Variants in SOS1 observed in about 807,000 individuals in gnomAD.
SOS1 encodes the protein son of sevenless homolog 1.
In SOS1, 25 loss-of-function variants were observed where a neutral mutation model predicts 157.6. The ratio of observed to expected loss-of-function variants is 0.16; its 90% confidence interval spans 0.12 to 0.22. SOS1 has a LOEUF of 0.22. Ranked by LOEUF, SOS1 falls within the 10% of genes least tolerant of loss-of-function variation. The pLI, the probability that SOS1 is intolerant of heterozygous loss-of-function variation, is 1.00. For missense variants in SOS1, 1,237 were observed against 1,599.1 expected, an observed-to-expected ratio of 0.77 and a Z score of 3.86; for synonymous variants, 528 against 534.0, an observed-to-expected ratio of 0.99 and a Z score of 0.16.
At chr2:39,106,614 C>A (rs868207071) in intron 1 of SOS1, among the ~76,000 whole-genome samples, 6,572 of 107,152 alleles carry the variant, frequency 0.061, 1,056 homozygotes, top group African/African-American at 0.24. Flanking sequence ...AAAAAAAAAA[C>A]AAAACATCTG....
At chr2:39,054,498 CA>C in intron 5 of SOS1, 115 bp downstream of exon 5, 1 of 667,268 alleles carries the variant, frequency 1.5e-6, no homozygotes, top group Non-Finnish European at 2.6e-6. Flanking sequence ...AATTAAGTCC[CA>C]CAACTTAAAA....
chr2:39,027,836 T>A (rs181447544), intron 8 of SOS1, among the ~76,000 whole-genome samples: 165 of 151,870 alleles, frequency 1.1e-3, no homozygotes, highest in African/African-American at 2.8e-3. Flanking sequence ...TATTATTTTT[T>A]TTTTTTTTTT....
chr2:39,059,692 A>T (rs897717772), intron 2 of SOS1, among the ~76,000 whole-genome samples: 2 of 152,164 alleles, frequency 1.3e-5, no homozygotes, highest in Non-Finnish European at 1.5e-5. Context: ...AGTAAAATGG[A>T]AAATTAAAAA....
chr2:39,094,345 A>G (rs1285922255), intron 1 of SOS1, among the ~76,000 whole-genome samples: 1 of 152,096 alleles, frequency 6.6e-6, no homozygotes, highest in East Asian at 1.9e-4. Flanking sequence ...AGCCTCGATA[A>G]TTTTTTAAGA....
chr2:38,992,630 T>G (rs1467963105), intron 20 of SOS1: 1 of 152,212 alleles, frequency 6.6e-6, no homozygotes, highest in Non-Finnish European at 1.5e-5. Context: ...TCCACCACTT[T>G]CATTTTTAGC....
At chr2:39,081,695 G>T (rs1572878537) in intron 1 of SOS1, among the ~76,000 whole-genome samples, 1 of 150,174 alleles carries the variant, frequency 6.7e-6, no homozygotes, top group East Asian at 2.0e-4. Context: ...CTTGGCGGCG[G>T]GCGCCTGTAA....
chr2:39,112,298 T>C (rs544102301), intron 1 of SOS1, among the ~76,000 whole-genome samples: 2 of 152,316 alleles, frequency 1.3e-5, no homozygotes, highest in African/African-American at 2.4e-5. Context: ...TCTGAGTTTA[T>C]GGTCTCCACA....
chr2:39,033,358 C>G (rs1289290693), intron 8 of SOS1, among the ~76,000 whole-genome samples: 1 of 151,972 alleles, frequency 6.6e-6, no homozygotes, highest in Non-Finnish European at 1.5e-5. Context: ...CAGTAGAAAT[C>G]TTAAATTGCT....
At position 38,983,235 on chromosome 2, in the gene SOS1, C is replaced by G. The variant is rs566007786; in HGVS notation, c.*2589G>C. On this transcript the variant is annotated 3_prime_UTR_variant, in exon 23 of 23. Coordinates refer to ENST00000402219, the MANE Select transcript of SOS1 (RefSeq NM_005633.4). ...TTTATCTCCTCAGCCATTTCTGGTC[C>G]CTGATTAAATAGATTTTCATTACTA... is the stretch of plus-strand genomic sequence containing the variant. 1 of 152,052 alleles carries G rather than the reference C, an allele frequency of 6.6e-6. No individual in the cohort carries two copies. 9.4% of individuals were successfully genotyped at this position (152,052 alleles called of 1,614,324 possible).
chr2:39,082,971 G>A (rs1325363631), intron 1 of SOS1, among the ~76,000 whole-genome samples: 1 of 152,130 alleles, frequency 6.6e-6, no homozygotes, highest in Non-Finnish European at 1.5e-5. Context: ...GTAAGGCTTT[G>A]GGGAGCTGGC....
chr2:39,036,627 G>C (rs751599630), intron 6 of SOS1, among the ~76,000 whole-genome samples: 1 of 151,400 alleles, frequency 6.6e-6, no homozygotes, highest in Non-Finnish European at 1.5e-5. Context: ...AGGCTGGAGT[G>C]CAGTGGCGCG....
intron 11 of SOS1, 61 bp from the exon 12 acceptor site, chr2:39,014,050 A>G (rs1257470443): frequency 1.5e-6 from 2 of 1,330,918 alleles, no homozygotes; most frequent in Non-Finnish European, 2.1e-6. Context: ...ACAAATAGAA[A>G]ACCACAAACG....
intron 4 of SOS1, among the ~76,000 whole-genome samples, chr2:39,055,477 G>A (rs887828030): frequency 6.6e-6 from 1 of 151,964 alleles, no homozygotes; most frequent in Non-Finnish European, 1.5e-5. Context: ...CATGTAGTAG[G>A]TACTCAAAAA....
intron 21 of SOS1, among the ~76,000 whole-genome samples, chr2:38,988,189 A>G (rs1668609811): frequency 6.6e-6 from 1 of 152,160 alleles, no homozygotes; most frequent in East Asian, 1.9e-4. Context: ...ATTATACTCT[A>G]AATCCAAAAA....
intron 6 of SOS1, among the ~76,000 whole-genome samples, chr2:39,049,276 C>T (rs1670915331): frequency 6.6e-6 from 1 of 152,216 alleles, no homozygotes; most frequent in African/African-American, 2.4e-5. Context: ...GTGTCACATT[C>T]TCAGTGAAGT....
At chr2:39,023,957 T>G (rs1669879007) in intron 9 of SOS1, 53 bp downstream of exon 9, 2 of 1,359,732 alleles carry the variant, frequency 1.5e-6, no homozygotes, top group African/African-American at 2.9e-5. Flanking sequence ...TCCCTGAATT[T>G]ACACCACAAT....
At chr2:39,105,588 C>T (rs1363422367) in intron 1 of SOS1, among the ~76,000 whole-genome samples, 1 of 152,134 alleles carries the variant, frequency 6.6e-6, no homozygotes, top group Admixed American at 6.5e-5. Flanking sequence ...TAGTGCTCAA[C>T]TAATTTGGTA....
At chr2:39,010,332 A>T (rs1285046792) in intron 15 of SOS1, among the ~76,000 whole-genome samples, 2 of 150,524 alleles carry the variant, frequency 1.3e-5, no homozygotes, top group East Asian at 3.9e-4. Flanking sequence ...AAAAAAAAAG[A>T]AAAAGAAAGA....
chr2:39,069,079 C>T (rs1447965212), intron 1 of SOS1, among the ~76,000 whole-genome samples: 1 of 150,602 alleles, frequency 6.6e-6, no homozygotes, highest in African/African-American at 2.4e-5. Context: ...AGTGTGGTGG[C>T]TAATGCCTAC....
Sources: allele counts gnomAD v4.1 joint callset (sites outside exome capture counted in the v4.1 genomes callset), GRCh38; gene constraint gnomAD v4.1.1; transcripts MANE v1.5; gene names NCBI Gene and HGNC (gene_info 2026-07-23, HGNC 2026-07-21).